NDE1: variants seen among roughly 807,000 people sequenced by gnomAD.
The protein encoded by NDE1 is nuclear distribution protein nudE homolog 1.
In NDE1, 28 loss-of-function variants were observed where a neutral mutation model predicts 43.4. The observed-to-expected ratio is 0.65, with a 90% CI of 0.48 to 0.89. The LOEUF is 0.89. Among genes scored for constraint, NDE1 ranks in the 40% least tolerant of loss-of-function variants. NDE1 has a pLI of 0.00. For synonymous variants in NDE1, 184 were observed against 172.0 expected, an observed-to-expected ratio of 1.07 and a Z score of -0.55; for missense variants, 441 against 434.1, an observed-to-expected ratio of 1.02 and a Z score of -0.14.
chr16:15,710,311 A>G (rs183024279), intron 8 of NDE1, among the ~76,000 whole-genome samples: 18 of 152,232 alleles, frequency 1.2e-4, no homozygotes, highest in African/African-American at 4.3e-4. Context: ...TCACGAGGTC[A>G]GGAGATCGAG....
chr16:15,720,386 C>T, intron 8 of NDE1: 1 of 1,539,246 alleles, frequency 6.5e-7, no homozygotes. Context: ...GGCAGCACAT[C>T]ACTGCACCCC....
intron 6 of NDE1, among the ~76,000 whole-genome samples, chr16:15,693,658 G>T (rs2038864861): frequency 6.6e-6 from 1 of 152,074 alleles, no homozygotes; most frequent in Non-Finnish European, 1.5e-5. Context: ...ATTTGTTAAA[G>T]GCCAGGCATG....
chr16:15,659,477 C>T (rs1286771948), intron 1 of NDE1, among the ~76,000 whole-genome samples: 3 of 122,934 alleles, frequency 2.4e-5, no homozygotes, highest in Admixed American at 2.0e-4. Context: ...CACTCTGTCA[C>T]CCAGGCTGGA....
intron 3 of NDE1, among the ~76,000 whole-genome samples, chr16:15,673,547 ATTTT>A (rs34853720): frequency 1.5e-5 from 2 of 137,642 alleles, no homozygotes; most frequent in African/African-American, 5.3e-5. Flanking sequence ...CAGGCTGGTG[ATTTT>A]TTTTTTTTTT....
At chr16:15,648,846 G>C (rs1267599303), upstream of NDE1, among the ~76,000 whole-genome samples, 1 of 152,092 alleles carries the variant, frequency 6.6e-6, no homozygotes, top group Non-Finnish European at 1.5e-5. Flanking sequence ...TAATTTGTTA[G>C]TGAACAATTA....
At chr16:15,689,178 A>G (rs1306612879) in intron 5 of NDE1, among the ~76,000 whole-genome samples, 1 of 152,200 alleles carries the variant, frequency 6.6e-6, no homozygotes, top group Admixed American at 6.5e-5. Flanking sequence ...TGAACAGTAG[A>G]TAGAAATGTT....
chr16:15,668,905 G>C (rs1489187504), intron 3 of NDE1, among the ~76,000 whole-genome samples: 1 of 152,038 alleles, frequency 6.6e-6, no homozygotes, highest in African/African-American at 2.4e-5. Context: ...TTGTTTGTTT[G>C]TTTTGTATTT....
chr16:15,667,967 A>G (rs1246421526), intron 3 of NDE1, among the ~76,000 whole-genome samples: 5 of 144,898 alleles, frequency 3.5e-5, no homozygotes, highest in Middle Eastern at 3.4e-3. Flanking sequence ...TGGCAGGGAG[A>G]CTTTTTTTTT....
At chr16:15,660,935 C>G (rs2037010722) in intron 1 of NDE1, among the ~76,000 whole-genome samples, 2 of 152,106 alleles carry the variant, frequency 1.3e-5, no homozygotes, top group Admixed American at 6.6e-5. Context: ...CTTCACTGTT[C>G]CATACACAGT....
chr16:15,706,812 T>C (rs1208906687), intron 8 of NDE1, among the ~76,000 whole-genome samples: 3 of 152,216 alleles, frequency 2.0e-5, no homozygotes, highest in African/African-American at 7.2e-5. Context: ...ATTTGCTAAC[T>C]GGAAAAGCTT....
chr16:15,708,724 G>A lies in NDE1; in HGVS notation c.947+11864G>A, dbSNP rs567903065. ...AAATGTGCAAGGGTTTAAAAATTGG[G>A]GTGGGCAGAGGGGCGCATTGGGCAG... On this transcript the variant is annotated intron_variant, in intron 8 of 8. Coordinates refer to ENST00000396354, the MANE Select transcript of NDE1 (RefSeq NM_017668.3). 9.2e-5 allele frequency: 131 copies of A among 1,431,216 alleles called. No homozygotes were observed. The African/African-American group carries it at 1.3e-3, about 15-fold the overall frequency. 88.7% of individuals were successfully genotyped at this position (1,431,216 alleles called of 1,614,324 possible). A position where few individuals can be genotyped will look rare whatever the true frequency, so the allele number is the denominator to read the frequency against.
chr16:15,717,832 C>T (rs912867211), intron 8 of NDE1: 1 of 263,906 alleles, frequency 3.8e-6, no homozygotes, highest in Non-Finnish European at 7.4e-6. Context: ...CAGTGCCACC[C>T]AGGCTGAGCG....
chr16:15,723,769 A>G (rs1188878470), intron 8 of NDE1, among the ~76,000 whole-genome samples: 1 of 152,206 alleles, frequency 6.6e-6, no homozygotes, highest in Non-Finnish European at 1.5e-5. Context: ...TTACAGAATG[A>G]AATCTTAGGG....
At chr16:15,707,530 G>C (rs1310140565) in intron 8 of NDE1, among the ~76,000 whole-genome samples, 1 of 152,158 alleles carries the variant, frequency 6.6e-6, no homozygotes, top group African/African-American at 2.4e-5. Context: ...AAACTCATCT[G>C]CTCCCCCACA....
intron 1 of NDE1, among the ~76,000 whole-genome samples, chr16:15,659,425 C>CTTTTTTTT (rs35091023): frequency 3.4e-5 from 2 of 58,908 alleles, no homozygotes; most frequent in Non-Finnish European, 6.0e-5. Flanking sequence ...TGCACACAAT[C>CTTTTTTTT]TTTTTTTTTT....
At chr16:15,676,492 G>T (rs2037887557) in intron 3 of NDE1, among the ~76,000 whole-genome samples, 1 of 151,982 alleles carries the variant, frequency 6.6e-6, no homozygotes, top group Non-Finnish European at 1.5e-5. Flanking sequence ...GATTACAGGT[G>T]TGAGCCACTG....
chr16:15,699,813 G>A, intron 8 of NDE1: 6 of 1,351,106 alleles, frequency 4.4e-6, no homozygotes, highest in South Asian at 2.3e-5. Flanking sequence ...TAGTCAAGAT[G>A]TTGCTTTAGG....
At chr16:15,688,194 G>A (rs1314013701) in intron 5 of NDE1, among the ~76,000 whole-genome samples, 5 of 151,552 alleles carry the variant, frequency 3.3e-5, no homozygotes, top group Non-Finnish European at 2.9e-5. Flanking sequence ...CAAAGATGTT[G>A]TGGGGAGAAA....
chr16:15,720,903 A>C, intron 8 of NDE1: 1 of 1,613,680 alleles, frequency 6.2e-7, no homozygotes, highest in Non-Finnish European at 8.5e-7. Flanking sequence ...ATCCCTTTCG[A>C]ACTGGCCCTT....
Sources: allele counts gnomAD v4.1 joint callset (sites outside exome capture counted in the v4.1 genomes callset), GRCh38; gene constraint gnomAD v4.1.1; transcripts MANE v1.5; gene names NCBI Gene and HGNC (gene_info 2026-07-23, HGNC 2026-07-21).